The following SEMA3C variants were observed in gnomAD, a reference collection of about 807,000 sequenced individuals.
SEMA3C encodes semaphorin 3C.
In SEMA3C, 47 loss-of-function variants were observed where a neutral mutation model predicts 89.4. That is an observed-to-expected ratio of 0.53 (90% CI 0.42 to 0.67). The LOEUF is 0.67. SEMA3C is among the 30% of genes least tolerant of loss of function. The pLI, the probability that SEMA3C is intolerant of heterozygous loss-of-function variation, is 0.00. For missense variants in SEMA3C, 839 were observed against 929.1 expected, an observed-to-expected ratio of 0.90 and a Z score of 1.26; for synonymous variants, 310 against 320.2, an observed-to-expected ratio of 0.97 and a Z score of 0.34.
At chr7:80,864,711 C>T (rs1790885045) in intron 2 of SEMA3C, among the ~76,000 whole-genome samples, 1 of 152,138 alleles carries the variant, frequency 6.6e-6, no homozygotes, top group Non-Finnish European at 1.5e-5. Context: ...CAGATGATTC[C>T]TAACATATCA....
At chr7:80,794,502 C>A (rs185536615) in intron 11 of SEMA3C, among the ~76,000 whole-genome samples, 1 of 151,984 alleles carries the variant, frequency 6.6e-6, no homozygotes, top group South Asian at 2.1e-4. Flanking sequence ...AACCAGAAGA[C>A]GTATGTAATC....
intron 2 of SEMA3C, among the ~76,000 whole-genome samples, chr7:80,836,549 G>A (rs1441110349): frequency 6.6e-6 from 1 of 151,996 alleles, no homozygotes; most frequent in Non-Finnish European, 1.5e-5. Context: ...ATGGTGGCAG[G>A]CATCTGTAAT....
chr7:80,922,331 A>G (rs1792424601), upstream of SEMA3C: 2 of 1,271,612 alleles, frequency 1.6e-6, no homozygotes, highest in Non-Finnish European at 2.1e-6. Context: ...CAACTTCCAT[A>G]TGCCATCCTT....
intron 2 of SEMA3C, among the ~76,000 whole-genome samples, chr7:80,858,476 G>A (rs1790694699): frequency 6.6e-6 from 1 of 152,122 alleles, no homozygotes; most frequent in African/African-American, 2.4e-5. Flanking sequence ...ATAAGCTAGA[G>A]TACTGCTCTT....
intron 2 of SEMA3C, among the ~76,000 whole-genome samples, chr7:80,900,209 G>A (rs910363177): frequency 6.6e-6 from 1 of 151,976 alleles, no homozygotes; most frequent in Non-Finnish European, 1.5e-5. Flanking sequence ...CACCTCCCGG[G>A]TTCACGCCAT....
chr7:80,764,725 G>A (rs11771468), intron 13 of SEMA3C, among the ~76,000 whole-genome samples: 21,640 of 152,048 alleles, frequency 0.14, 1,568 homozygotes, highest in Admixed American at 0.18. Flanking sequence ...AAACAAAGTC[G>A]TTTTTCTTGA....
chr7:80,743,375 T>C lies in SEMA3C; in HGVS notation c.*1519A>G, dbSNP rs987194099. 2.0e-5 allele frequency: 3 copies of C among 151,896 alleles called. No homozygotes were observed. The highest frequency in any genetic ancestry group is 7.2e-5 in the African/African-American group (3 of 41,438). The allele number at this position is 151,896 out of a possible 1,614,324, so 9.4% of individuals were successfully genotyped here. A position where few individuals can be genotyped will look rare whatever the true frequency, so the allele number is the denominator to read the frequency against. ...TATTAATTTTGACAATGATTTTAGT[T>C]TTTGAAGTTTTAGACTGCAATACTT... On this transcript the variant is annotated 3_prime_UTR_variant, in exon 18 of 18. Transcript: ENST00000265361.
chr7:80,748,148 C>A (rs1011524364), intron 17 of SEMA3C, among the ~76,000 whole-genome samples: 1 of 152,134 alleles, frequency 6.6e-6, no homozygotes, highest in African/African-American at 2.4e-5. Context: ...ACATTTTAGA[C>A]TTCCCTAAGG....
intron 13 of SEMA3C, among the ~76,000 whole-genome samples, chr7:80,764,879 TA>T (rs1788261953): frequency 1.3e-5 from 2 of 152,156 alleles, no homozygotes; most frequent in Admixed American, 1.3e-4. Context: ...ACTCATTTTT[TA>T]AAAATAATGA....
At position 80,858,286 on chromosome 7, in the gene SEMA3C, T is replaced by C. The variant is rs78594721; in HGVS notation, c.104-29541A>G. Among the ~76,000 whole-genome samples, 535 of 152,230 alleles carry C rather than the reference T, an allele frequency of 3.5e-3. 10 individuals are homozygous for C. Among genetic ancestry groups the C allele is most frequent in the East Asian group, 0.034 (178 of 5,178 alleles). On this transcript the variant is annotated intron_variant, in intron 2 of 17. Transcript: ENST00000265361. ...ATACTTTAAAAAATCTCCCGTATGA[T>C]ACTGAGGTTCAAGCAGGTTTGAGAA...
intron 15 of SEMA3C, among the ~76,000 whole-genome samples, chr7:80,754,965 T>TG (rs1554359510): frequency 5.7e-5 from 3 of 52,950 alleles, no homozygotes; most frequent in Non-Finnish European, 1.3e-4. Context: ...TTGTTTTTTT[T>TG]TTTTTTGTAT....
In SEMA3C at chr7:80,836,679, AAAACAAAC is replaced by A. The variant is rs201820910; in HGVS notation, c.104-7942_104-7935del. Among the ~76,000 whole-genome samples, 1,153 of 150,958 alleles carry A rather than the reference AAAACAAAC, an allele frequency of 7.6e-3. 38 individuals carry two copies. The East Asian group carries it at 0.11, about 15-fold the overall frequency. On this transcript the variant is annotated intron_variant, in intron 2 of 17. Transcript: ENST00000265361. ...AGCAACAGAGGGAGACTCCATCTCA[AAAACAAAC>A]AAACAAACAAACAAACAAACAAACA... is the stretch of plus-strand genomic sequence containing the variant.
chr7:80,828,384 T>C (rs1314879215), intron 3 of SEMA3C, among the ~76,000 whole-genome samples: 3 of 152,154 alleles, frequency 2.0e-5, no homozygotes, highest in Non-Finnish European at 4.4e-5. Context: ...TTTTGAATTG[T>C]TAAAAACTAT....
At chr7:80,774,992 C>G (rs1000145971) in intron 12 of SEMA3C, among the ~76,000 whole-genome samples, 1 of 151,250 alleles carries the variant, frequency 6.6e-6, no homozygotes, top group Non-Finnish European at 1.5e-5. Context: ...GTCATGGGAA[C>G]AAGGAACGTA....
At chr7:80,827,771 A>G (rs1789910374) in intron 3 of SEMA3C, among the ~76,000 whole-genome samples, 1 of 152,148 alleles carries the variant, frequency 6.6e-6, no homozygotes, top group Admixed American at 6.6e-5. Flanking sequence ...ATAAATGTGA[A>G]CAATACAATT....
chr7:80,894,901 G>A lies in SEMA3C; in HGVS notation c.103+21778C>T, dbSNP rs557076300. Reference sequence around the variant, plus strand: ...ATAAGTATATCCAAGTTCTAGTTACGCTGCCTAGTAGCCAAGATTCTTCAT... The same window carrying A: ...ATAAGTATATCCAAGTTCTAGTTACACTGCCTAGTAGCCAAGATTCTTCAT... On this transcript the variant is annotated intron_variant, in intron 2 of 17. Transcript: ENST00000265361. 1.6e-4 allele frequency among the ~76,000 whole-genome samples: 25 copies of A among 152,210 alleles called. No individual in the cohort carries two copies. In the South Asian group the frequency reaches 5.0e-3, roughly 30 times the overall value.
At chr7:80,766,858 C>T (rs956795659) in intron 12 of SEMA3C, among the ~76,000 whole-genome samples, 6 of 152,064 alleles carry the variant, frequency 3.9e-5, no homozygotes, top group Non-Finnish European at 8.8e-5. Flanking sequence ...GAATGCTAGA[C>T]TGGTAAGGGA....
At chr7:80,870,321 TACTG>T (rs1471938713) in intron 2 of SEMA3C, among the ~76,000 whole-genome samples, 1 of 148,420 alleles carries the variant, frequency 6.7e-6, no homozygotes, top group Non-Finnish European at 1.5e-5. Context: ...ATATTAACCA[TACTG>T]ACTTTTTAAA....
At position 80,743,947 on chromosome 7, in the gene SEMA3C, T is replaced by C. The variant is rs1787739157; in HGVS notation, c.*947A>G. 1 of 152,094 alleles carries C rather than the reference T, an allele frequency of 6.6e-6. No individual in the cohort carries two copies. Among genetic ancestry groups the C allele is most frequent in the Admixed American group, 6.6e-5 (1 of 15,264 alleles). 9.4% of individuals were successfully genotyped at this position (152,094 alleles called of 1,614,324 possible). On this transcript the variant is annotated 3_prime_UTR_variant, in exon 18 of 18. Transcript: ENST00000265361. ...AGTTGAAAACTAGCCATATTTGTTA[T>C]AAATTCCTCTTAAAAAATTAGTAGT...
Sources: gnomAD v4.1 joint callset for allele counts (sites outside exome capture counted in the v4.1 genomes callset) on GRCh38, gnomAD v4.1.1 for gene constraint, MANE v1.5 for transcripts, NCBI Gene and HGNC (gene_info 2026-07-23, HGNC 2026-07-21) for gene names.